Variants in HTR2A observed in about 807,000 individuals in gnomAD.
HTR2A encodes 5-hydroxytryptamine receptor 2A.
A neutral mutation model predicts 31.0 loss-of-function variants in HTR2A; 14 were observed. That is an observed-to-expected ratio of 0.45 (90% CI 0.30 to 0.71). HTR2A has a LOEUF of 0.71. Among genes scored for constraint, HTR2A ranks in the 30% least tolerant of loss-of-function variants. HTR2A has a pLI of 0.09. For synonymous variants in HTR2A, 209 were observed against 225.2 expected, an observed-to-expected ratio of 0.93 and a Z score of 0.64; for missense variants, 442 against 573.3, an observed-to-expected ratio of 0.77 and a Z score of 2.34.
intron 3 of HTR2A, among the ~76,000 whole-genome samples, chr13:46,873,411 CAACTGT>C (rs1950879736): frequency 1.6e-5 from 2 of 127,042 alleles, no homozygotes; most frequent in Admixed American, 8.3e-5. Flanking sequence ...AAAACATTCC[CAACTGT>C]AATATAAAAT....
At position 46,855,255 on chromosome 13, in the gene HTR2A, TCTCA is replaced by T. The variant is rs145212310; in HGVS notation, c.614-19620_614-19617del. On this transcript the variant is annotated intron_variant, in intron 3 of 3. Transcript: ENST00000542664. ...TAGGAAACCAGTACACCCCCTTTTC[TCTCA>T]CTCTGCCTTCCAGGAGAAGTGATAC... 2.2e-3 allele frequency among the ~76,000 whole-genome samples: 337 copies of T among 152,320 alleles called. 2 individuals carry two copies. Among genetic ancestry groups the T allele is most frequent in the Middle Eastern group, 0.01 (3 of 294 alleles).
intron 3 of HTR2A, among the ~76,000 whole-genome samples, chr13:46,851,286 CAA>C (rs1950683071): frequency 6.6e-6 from 1 of 151,996 alleles, no homozygotes; most frequent in Admixed American, 6.6e-5. Context: ...ACATAAGAAA[CAA>C]AAGTCACAGT....
intron 2 of HTR2A, among the ~76,000 whole-genome samples, chr13:46,894,711 A>G (rs1051617277): frequency 6.6e-6 from 1 of 152,222 alleles, no homozygotes. Flanking sequence ...TGTATTACTC[A>G]TAATTTGGAA....
intron 3 of HTR2A, among the ~76,000 whole-genome samples, chr13:46,858,686 CAG>C (rs1195916341): frequency 1.3e-5 from 2 of 152,032 alleles, no homozygotes; most frequent in African/African-American, 4.8e-5. Flanking sequence ...TAAGGCTGAA[CAG>C]AGAGGGTGAG....
chr13:46,859,214 C>G (rs2138211689), intron 3 of HTR2A, among the ~76,000 whole-genome samples: 1 of 152,170 alleles, frequency 6.6e-6, no homozygotes, highest in South Asian at 2.1e-4. Context: ...CTATAATTTG[C>G]CCAAGCCTTC....
intron 3 of HTR2A, among the ~76,000 whole-genome samples, chr13:46,849,220 C>T: frequency 6.6e-6 from 1 of 152,198 alleles, no homozygotes; most frequent in East Asian, 1.9e-4. Flanking sequence ...CACCAGCATT[C>T]TAATAAGTCT....
At chr13:46,870,056 T>C (rs1247420272) in intron 3 of HTR2A, among the ~76,000 whole-genome samples, 1 of 152,208 alleles carries the variant, frequency 6.6e-6, no homozygotes, top group African/African-American at 2.4e-5. Flanking sequence ...GCAAATTCTC[T>C]ATTATATATT....
At chr13:46,837,264 G>C (rs1950569109) in intron 3 of HTR2A, among the ~76,000 whole-genome samples, 1 of 152,110 alleles carries the variant, frequency 6.6e-6, no homozygotes, top group Non-Finnish European at 1.5e-5. Flanking sequence ...CTGCTCCTGG[G>C]GAAATAGGTG....
intron 3 of HTR2A, among the ~76,000 whole-genome samples, chr13:46,886,767 C>T (rs1951009586): frequency 6.6e-6 from 1 of 152,142 alleles, no homozygotes; most frequent in Non-Finnish European, 1.5e-5. Flanking sequence ...TACCTTTCTA[C>T]TCAGGCAGTT....
intron 3 of HTR2A, among the ~76,000 whole-genome samples, chr13:46,869,518 G>A (rs1327002482): frequency 6.6e-6 from 1 of 152,060 alleles, no homozygotes; most frequent in Non-Finnish European, 1.5e-5. Flanking sequence ...CAGTTTGATA[G>A]TTCATCAAAA....
chr13:46,860,166 G>A (rs1950769099), intron 3 of HTR2A, among the ~76,000 whole-genome samples: 1 of 152,168 alleles, frequency 6.6e-6, no homozygotes, highest in Non-Finnish European at 1.5e-5. Context: ...TAGTTCTGGT[G>A]CTGAGGACTG....
chr13:46,872,576 T>C (rs1214683905), intron 3 of HTR2A, among the ~76,000 whole-genome samples: 1 of 152,200 alleles, frequency 6.6e-6, no homozygotes, highest in Non-Finnish European at 1.5e-5. Flanking sequence ...TGTCTGTTTA[T>C]TTGACCACTC....
chr13:46,840,856 A>G (rs1441365587), intron 3 of HTR2A, among the ~76,000 whole-genome samples: 2 of 152,156 alleles, frequency 1.3e-5, no homozygotes, highest in Admixed American at 1.3e-4. Context: ...TAATATGACT[A>G]ATAAGCACTA....
At chr13:46,853,828 T>C (rs1478468457) in intron 3 of HTR2A, 2 of 152,256 alleles carry the variant, frequency 1.3e-5, no homozygotes, top group Non-Finnish European at 2.9e-5. Flanking sequence ...CCTAGAAATT[T>C]CTGGGCTACA....
intron 3 of HTR2A, among the ~76,000 whole-genome samples, chr13:46,875,194 C>T (rs1441213523): frequency 6.6e-6 from 1 of 152,068 alleles, no homozygotes; most frequent in African/African-American, 2.4e-5. Flanking sequence ...GGGAATATAG[C>T]CTACAAATGT....
chr13:46,891,518 C>G (rs761392495), intron 3 of HTR2A, among the ~76,000 whole-genome samples: 1 of 152,220 alleles, frequency 6.6e-6, no homozygotes, highest in Non-Finnish European at 1.5e-5. Context: ...TATTCCAATG[C>G]TGTGGATAAG....
intron 3 of HTR2A, among the ~76,000 whole-genome samples, chr13:46,877,387 A>C (rs180829987): frequency 6.6e-6 from 1 of 152,314 alleles, no homozygotes; most frequent in East Asian, 1.9e-4. Context: ...CTTACTAACT[A>C]GGCCTTCATA....
chr13:46,869,028 A>AGT lies in HTR2A; in HGVS notation c.613+23360_613+23361dup, dbSNP rs144810938. Among the ~76,000 whole-genome samples the AGT allele has an allele frequency of 3.1e-3, 471 of 152,288 alleles. 2 individuals carry two copies. Among genetic ancestry groups the AGT allele is most frequent in the African/African-American group, 0.01 (424 of 41,574 alleles). On this transcript the variant is annotated intron_variant, in intron 3 of 3. Transcript: ENST00000542664. ...GGGAAATTATATTAGAGAAATACAA[A>AGT]GTGATTGAAGTAGATACGTCACCAA...
At chr13:46,859,798 C>A (rs919181941) in intron 3 of HTR2A, among the ~76,000 whole-genome samples, 26 of 152,160 alleles carry the variant, frequency 1.7e-4, no homozygotes, top group African/African-American at 6.3e-4. Flanking sequence ...TCAGGTATTT[C>A]TTTACGGCAA....
Sources: gnomAD v4.1 joint callset for allele counts (sites outside exome capture counted in the v4.1 genomes callset) on GRCh38, gnomAD v4.1.1 for gene constraint, MANE v1.5 for transcripts, NCBI Gene and HGNC (gene_info 2026-07-23, HGNC 2026-07-21) for gene names.